Variants in PLXNA4 observed in about 807,000 individuals in gnomAD.
PLXNA4 encodes plexin-A4.
A neutral mutation model predicts 191.8 loss-of-function variants in PLXNA4; 44 were observed. The observed-to-expected ratio is 0.23, with a 90% CI of 0.18 to 0.29. PLXNA4 has a LOEUF of 0.29. PLXNA4 is among the 10% of genes least tolerant of loss of function. The probability of loss-of-function intolerance (pLI) is 1.00; values close to 1 mark genes in which losing one functional copy is unlikely to be tolerated. For synonymous variants in PLXNA4, 1,082 were observed against 1,009.5 expected (o/e 1.07, Z -1.36); for missense variants, 1,800 against 2,488.8 (o/e 0.72, Z 5.89).
chr7:132,563,320 CCTT>C (rs1460307592), intron 1 of PLXNA4, among the ~76,000 whole-genome samples: 2 of 119,388 alleles, frequency 1.7e-5, no homozygotes, highest in Admixed American at 1.6e-4. Context: ...TTCTCTTCCT[CCTT>C]CTCCTCCTCC....
intron 3 of PLXNA4, among the ~76,000 whole-genome samples, chr7:132,329,961 A>G (rs1255900114): frequency 6.6e-6 from 1 of 152,172 alleles, no homozygotes; most frequent in Non-Finnish European, 1.5e-5. Flanking sequence ...AGCACCACGT[A>G]CCCTGTCTAA....
chr7:132,639,218 G>C (rs1585422590), intron 2 of PLXNA4, among the ~76,000 whole-genome samples: 2 of 152,094 alleles, frequency 1.3e-5, no homozygotes, highest in South Asian at 4.1e-4. Flanking sequence ...CCAGATCCAG[G>C]GCTTCTCATT....
chr7:132,280,141 C>T (rs558058117), intron 4 of PLXNA4, among the ~76,000 whole-genome samples: 4 of 152,150 alleles, frequency 2.6e-5, no homozygotes, highest in Non-Finnish European at 4.4e-5. Flanking sequence ...ATTGATTTCT[C>T]GACCCACTAA....
chr7:132,577,162 G>A (rs1400278627), upstream of PLXNA4: 1 of 146,646 alleles, frequency 6.8e-6, no homozygotes, highest in African/African-American at 2.5e-5. Flanking sequence ...GCTCGGCCGC[G>A]GGCCGAGCCG....
rs183467117 is a variant in PLXNA4 at position 132,169,712 on chromosome 7, G to A, written c.4018-1140C>T. Among the ~76,000 whole-genome samples, 21 of 152,142 alleles carry A rather than the reference G, an allele frequency of 1.4e-4. No homozygotes were observed. In the East Asian group the frequency reaches 3.1e-3, roughly 22 times the overall value. On this transcript the variant is annotated intron_variant, in intron 21 of 31. Coordinates refer to ENST00000321063, the MANE Select transcript of PLXNA4 (RefSeq NM_020911.2). ...GGCTGTAACTAAAAGGGGGCACCCC[G>A]GGACTCCTGGGGGACTGGCCATGTT... is the stretch of plus-strand genomic sequence containing the variant.
chr7:132,393,522 T>C (rs141827750), intron 3 of PLXNA4, among the ~76,000 whole-genome samples: 433 of 152,280 alleles, frequency 2.8e-3, no homozygotes, highest in African/African-American at 9.4e-3. Context: ...ATCACTCAAG[T>C]CCTACTTTTG....
rs71915138 is a variant in PLXNA4, at chr7:132,540,569, C to CTTTTTTTTTTTTTTTTT, written c.-86-31807_-86-31791dup. On this transcript the variant is annotated intron_variant, in intron 1 of 31. Coordinates refer to ENST00000321063, the MANE Select transcript of PLXNA4 (RefSeq NM_020911.2). ...AGCAGAAGGTGTAGTGTGGACCGTT[C>CTTTTTTTTTTTTTTTTT]TTTTTTTTTTTTTTTTTTTTTTTTT... Among the ~76,000 whole-genome samples, 3 of 60,976 alleles carry CTTTTTTTTTTTTTTTTT rather than the reference C, an allele frequency of 4.9e-5. 1 individual carries two copies. Among genetic ancestry groups the CTTTTTTTTTTTTTTTTT allele is most frequent in the African/African-American group, 7.1e-5 (1 of 14,002 alleles). 40.0% of individuals were successfully genotyped at this position (60,976 alleles called of 152,430 possible).
chr7:132,157,703 G>A (rs1795837563), intron 25 of PLXNA4, among the ~76,000 whole-genome samples: 1 of 152,198 alleles, frequency 6.6e-6, no homozygotes, highest in Admixed American at 6.5e-5. Context: ...ACCCTGCAAA[G>A]CTGAAGGTGC....
In PLXNA4 at chr7:132,311,193, T is replaced by TGTGTGTGTGTGTGTGTGCGCGC. The variant is rs71178034; in HGVS notation, c.1372-12972_1372-12971insGCGCGCACACACACACACACAC. Among the ~76,000 whole-genome samples the TGTGTGTGTGTGTGTGTGCGCGC allele has an allele frequency of 4.2e-4, 38 of 89,908 alleles. 1 individual carries two copies. Among genetic ancestry groups the TGTGTGTGTGTGTGTGTGCGCGC allele is most frequent in the African/African-American group, 1.2e-3 (32 of 25,982 alleles). The allele number at this position is 89,908 out of a possible 152,430, so 59.0% of individuals were successfully genotyped here. ...GTGTGTGTGTGTGTGTGTGTGTGTG[T>TGTGTGTGTGTGTGTGTGCGCGC]GCGCGTGTGGCCTAAAGGAGGGTCA... On this transcript the variant is annotated intron_variant, in intron 3 of 31. Transcript: ENST00000321063.
At chr7:132,374,915 G>T (rs766663294) in intron 3 of PLXNA4, among the ~76,000 whole-genome samples, 1 of 152,242 alleles carries the variant, frequency 6.6e-6, no homozygotes. Flanking sequence ...TACCCTGTCT[G>T]CTGTGGGACA....
At chr7:132,491,447 C>G (rs1446606788) in intron 2 of PLXNA4, among the ~76,000 whole-genome samples, 1 of 152,144 alleles carries the variant, frequency 6.6e-6, no homozygotes, top group Non-Finnish European at 1.5e-5. Context: ...TCTGAAGCCT[C>G]TCTGATGGCT....
chr7:132,389,918 C>T (rs1298856231), intron 3 of PLXNA4, among the ~76,000 whole-genome samples: 1 of 152,176 alleles, frequency 6.6e-6, no homozygotes, highest in African/African-American at 2.4e-5. Context: ...CAGGACACAA[C>T]AGATGCCAGA....
At chr7:132,410,825 T>C (rs1032278412) in intron 3 of PLXNA4, among the ~76,000 whole-genome samples, 3 of 152,152 alleles carry the variant, frequency 2.0e-5, no homozygotes, top group African/African-American at 7.2e-5. Context: ...CTTCTGACGG[T>C]GCACCCACCC....
intron 10 of PLXNA4, 35 bp downstream of exon 10, chr7:132,210,908 C>A (rs770342902): frequency 6.3e-7 from 1 of 1,596,696 alleles, no homozygotes; most frequent in Non-Finnish European, 8.6e-7. Flanking sequence ...GGGACTGGGG[C>A]CTGGTTTGGC....
At chr7:132,509,692 A>G (rs1798631190) in intron 1 of PLXNA4, among the ~76,000 whole-genome samples, 1 of 152,144 alleles carries the variant, frequency 6.6e-6, no homozygotes, top group Non-Finnish European at 1.5e-5. Flanking sequence ...GCAGCAGAAG[A>G]ATTAAGGTTG....
intron 2 of PLXNA4, among the ~76,000 whole-genome samples, chr7:132,637,468 C>T (rs1463104017): frequency 6.6e-6 from 1 of 152,182 alleles, no homozygotes; most frequent in African/African-American, 2.4e-5. Context: ...AGGTGGAAGG[C>T]CACACGACGT....
chr7:132,206,010 C>G (rs1797604295), intron 10 of PLXNA4, among the ~76,000 whole-genome samples: 1 of 151,240 alleles, frequency 6.6e-6, no homozygotes, highest in Admixed American at 6.6e-5. Flanking sequence ...GACGTTAGCA[C>G]ACATCTCCAT....
chr7:132,563,864 TCTC>T (rs1439135191), intron 1 of PLXNA4, among the ~76,000 whole-genome samples: 2 of 55,114 alleles, frequency 3.6e-5, no homozygotes, highest in African/African-American at 1.3e-4. Flanking sequence ...CTCCTCCTCC[TCTC>T]CTCTTCCTCC....
intron 1 of PLXNA4, among the ~76,000 whole-genome samples, chr7:132,647,878 T>C (rs1803912007): frequency 6.7e-6 from 1 of 150,228 alleles, no homozygotes; most frequent in Non-Finnish European, 1.5e-5. Context: ...CTCACACACA[T>C]CCACATTCTT....
Sources: allele counts gnomAD v4.1 joint callset (sites outside exome capture counted in the v4.1 genomes callset), GRCh38; gene constraint gnomAD v4.1.1; transcripts MANE v1.5; gene names NCBI Gene and HGNC (gene_info 2026-07-23, HGNC 2026-07-21).